INSYN2B: variants seen among roughly 807,000 people sequenced by gnomAD.
The protein encoded by INSYN2B is inhibitory synaptic factor family member 2B, also known as protein INSYN2B.
A neutral mutation model predicts 41.2 loss-of-function variants in INSYN2B; 16 were observed. The observed-to-expected ratio is 0.39, with a 90% CI of 0.26 to 0.59. The LOEUF is 0.59. INSYN2B is among the 20% of genes least tolerant of loss of function. The pLI, the probability that INSYN2B is intolerant of heterozygous loss-of-function variation, is 0.57. For missense variants in INSYN2B, 608 were observed against 646.4 expected (o/e 0.94, Z 0.64); for synonymous variants, 245 against 244.4 (o/e 1.00, Z -0.02).
At position 169,883,487 on chromosome 5, in the gene INSYN2B, G is replaced by A; in HGVS notation, c.412C>T (p.Leu138Phe). ...SQSAIQVNGN[L>F]SEQDIVSSDL... ...GAAGACACAATGTCCTGTTCAGAGA[G>A]GTTACCGTTGACCTGGATGGCACTT... The change falls in exon 2 of 4, where the codon CTC (leucine) becomes TTC (phenylalanine). Residue 138 changes from leucine to phenylalanine, a missense_variant. Transcript: ENST00000377365. 1 of 1,551,628 alleles carries A rather than the reference G, an allele frequency of 6.4e-7. No individual in the cohort carries two copies. Among genetic ancestry groups the A allele is most frequent in the African/African-American group, 1.4e-5 (1 of 73,152 alleles).
At chr5:169,957,308 G>A (rs1243445276) in intron 1 of INSYN2B, among the ~76,000 whole-genome samples, 1 of 152,186 alleles carries the variant, frequency 6.6e-6, no homozygotes, top group African/African-American at 2.4e-5. Context: ...CCATAGCATG[G>A]GGATAGTAAG....
At position 169,918,574 on chromosome 5, in the gene INSYN2B, A is replaced by C. The variant is rs544098848; in HGVS notation, c.-918-33758T>G. Among the ~76,000 whole-genome samples the C allele has an allele frequency of 1.5e-4, 23 of 152,330 alleles. No homozygotes were observed. In the East Asian group the frequency reaches 3.1e-3, roughly 20 times the overall value. On this transcript the variant is annotated intron_variant, in intron 1 of 3. Coordinates refer to ENST00000377365, the MANE Select transcript of INSYN2B (RefSeq NM_001129891.3). ...GACATGTCCTGAGGGGAAATAAATA[A>C]TCTTTAGAATATTGTCCAATATGAT...
At chr5:169,972,718 G>T (rs1468304374) in intron 1 of INSYN2B, among the ~76,000 whole-genome samples, 1 of 152,144 alleles carries the variant, frequency 6.6e-6, no homozygotes, top group Non-Finnish European at 1.5e-5. Context: ...CACACAATAA[G>T]TGCTAAATAA....
chr5:169,962,156 T>A (rs1283203418), intron 1 of INSYN2B, among the ~76,000 whole-genome samples: 1 of 151,936 alleles, frequency 6.6e-6, no homozygotes. Context: ...GACTGGGTTT[T>A]TAAAAAGTCT....
At chr5:169,961,707 G>A (rs143172876) in intron 1 of INSYN2B, among the ~76,000 whole-genome samples, 4,267 of 152,206 alleles carry the variant, frequency 0.028, 136 homozygotes, top group East Asian at 0.074. Flanking sequence ...GCCGGGTGCA[G>A]TGGCTCACGC....
chr5:169,934,742 G>A (rs1202817322), intron 1 of INSYN2B: 16 of 455,962 alleles, frequency 3.5e-5, no homozygotes, highest in Non-Finnish European at 5.7e-5. Context: ...GGCTGCTCAC[G>A]GGATCAGTGC....
intron 3 of INSYN2B, among the ~76,000 whole-genome samples, chr5:169,869,627 A>G (rs1471927392): frequency 6.6e-6 from 1 of 152,222 alleles, no homozygotes; most frequent in Non-Finnish European, 1.5e-5. Flanking sequence ...AGAAAAGAGA[A>G]GATGCATTTC....
intron 1 of INSYN2B, among the ~76,000 whole-genome samples, chr5:169,962,253 G>A (rs143442441): frequency 7.7e-4 from 117 of 152,272 alleles, no homozygotes; most frequent in African/African-American, 2.6e-3. Context: ...GGGAGACATC[G>A]TGGTGGACTG....
rs1005105201 is a variant in INSYN2B, at chr5:169,902,874, C to T, written c.-918-18058G>A. 3.9e-5 allele frequency among the ~76,000 whole-genome samples: 6 copies of T among 151,994 alleles called. 1 individual carries two copies. The South Asian group carries it at 8.3e-4, about 21-fold the overall frequency. ...CAACAGTTTGGGAGGCCGAGGCAGG[C>T]GGATCACAAGGTCAAGAGATCGAGA... is the stretch of plus-strand genomic sequence containing the variant. On this transcript the variant is annotated intron_variant, in intron 1 of 3. Coordinates refer to ENST00000377365, the MANE Select transcript of INSYN2B (RefSeq NM_001129891.3).
intron 1 of INSYN2B, among the ~76,000 whole-genome samples, chr5:169,923,292 C>T (rs1775273289): frequency 6.6e-6 from 1 of 152,142 alleles, no homozygotes; most frequent in Non-Finnish European, 1.5e-5. Flanking sequence ...ATGGTTTTTA[C>T]TTTTTTCTTT....
chr5:169,879,377 T>C (rs1239540114), intron 3 of INSYN2B, among the ~76,000 whole-genome samples: 1 of 152,160 alleles, frequency 6.6e-6, no homozygotes. Flanking sequence ...TAAAAAAAAA[T>C]GACAACTCTC....
chr5:169,869,681 A>C (rs1020363903), intron 3 of INSYN2B, among the ~76,000 whole-genome samples: 2 of 152,244 alleles, frequency 1.3e-5, no homozygotes, highest in African/African-American at 4.8e-5. Flanking sequence ...AACCCCTTGC[A>C]AAAAGGAGTA....
intron 1 of INSYN2B, among the ~76,000 whole-genome samples, chr5:169,891,037 G>C (rs7715732): frequency 0.022 from 3,384 of 152,242 alleles, 111 homozygotes; most frequent in African/African-American, 0.071. Flanking sequence ...TTGAACACAA[G>C]CCACAACCCT....
chr5:169,915,950 G>A (rs1581411055), intron 1 of INSYN2B, among the ~76,000 whole-genome samples: 1 of 152,276 alleles, frequency 6.6e-6, no homozygotes, highest in East Asian at 1.9e-4. Context: ...GAAACGTTAT[G>A]CTGAATTCTG....
At chr5:169,940,835 C>A (rs1227114500) in intron 1 of INSYN2B, among the ~76,000 whole-genome samples, 1 of 152,234 alleles carries the variant, frequency 6.6e-6, no homozygotes, top group Non-Finnish European at 1.5e-5. Context: ...TCCTACCTGG[C>A]CACAGACTGG....
intron 1 of INSYN2B, among the ~76,000 whole-genome samples, chr5:169,918,289 T>C (rs938766263): frequency 6.6e-6 from 1 of 152,234 alleles, no homozygotes; most frequent in African/African-American, 2.4e-5. Context: ...TCTCAAAATG[T>C]TGTGGTTTGA....
chr5:169,871,831 T>A (rs1379274243), intron 3 of INSYN2B, among the ~76,000 whole-genome samples: 2 of 152,152 alleles, frequency 1.3e-5, no homozygotes, highest in Non-Finnish European at 2.9e-5. Context: ...CAGTCCACCT[T>A]GGAATACTCT....
intron 1 of INSYN2B, among the ~76,000 whole-genome samples, chr5:169,970,489 G>C (rs1011219396): frequency 1.3e-5 from 2 of 152,192 alleles, no homozygotes; most frequent in African/African-American, 4.8e-5. Context: ...GTGGTGGAGG[G>C]TGATAGAGTC....
chr5:169,925,508 A>G (rs187912321), intron 1 of INSYN2B, among the ~76,000 whole-genome samples: 2 of 138,406 alleles, frequency 1.4e-5, no homozygotes, highest in Admixed American at 1.6e-4. Context: ...TGAACCCAGG[A>G]GGTGGAGATT....
Sources: gnomAD v4.1 joint callset for allele counts (sites outside exome capture counted in the v4.1 genomes callset) on GRCh38, gnomAD v4.1.1 for gene constraint, MANE v1.5 for transcripts, NCBI Gene and HGNC (gene_info 2026-07-23, HGNC 2026-07-21) for gene names.